SEZ6L: variants seen among roughly 807,000 people sequenced by gnomAD.
SEZ6L encodes the protein seizure 6-like protein.
A neutral mutation model predicts 106.2 loss-of-function variants in SEZ6L; 37 were observed. The ratio of observed to expected loss-of-function variants is 0.35; its 90% CI spans 0.27 to 0.46. The LOEUF is 0.46. Among genes scored for constraint, SEZ6L ranks in the 20% least tolerant of loss-of-function variants. SEZ6L has a pLI of 1.00. For missense variants in SEZ6L, 1,172 were observed against 1,332.8 expected (o/e 0.88, Z 1.88); for synonymous variants, 541 against 570.4 (o/e 0.95, Z 0.73).
chr22:26,255,673 G>A (rs892042405), intron 1 of SEZ6L, among the ~76,000 whole-genome samples: 1 of 152,200 alleles, frequency 6.6e-6, no homozygotes, highest in Non-Finnish European at 1.5e-5. Flanking sequence ...GAGTCTTGGG[G>A]CTGTCACCTC....
At chr22:26,200,400 C>T (rs1421478510) in intron 1 of SEZ6L, among the ~76,000 whole-genome samples, 1 of 152,188 alleles carries the variant, frequency 6.6e-6, no homozygotes, top group Non-Finnish European at 1.5e-5. Flanking sequence ...GACACCGCTT[C>T]TGCTTTCAAG....
rs111807889 is a variant in SEZ6L, at chr22:26,284,120, C to T, written c.95-8286C>T. 2.9e-3 allele frequency among the ~76,000 whole-genome samples: 439 copies of T among 152,226 alleles called. 5 individuals carry two copies. Among genetic ancestry groups the T allele is most frequent in the African/African-American group, 9.2e-3 (382 of 41,520 alleles). ...ACTCCAAAAGACAAGGCTGATGAAA[C>T]CCCACCATACAGATGAGAACAGTGA... On this transcript the variant is annotated intron_variant, in intron 1 of 16. Transcript: ENST00000248933.
At chr22:26,336,018 C>G (rs536011992) in intron 9 of SEZ6L, among the ~76,000 whole-genome samples, 1 of 152,110 alleles carries the variant, frequency 6.6e-6, no homozygotes, top group African/African-American at 2.4e-5. Flanking sequence ...TTTTCCTTCT[C>G]TTATATAAGC....
Position 26,368,088 on chromosome 22 carries a change from A to AT in SEZ6L, c.2794+2523dup. Among the ~76,000 whole-genome samples, 2 of 152,348 alleles carry AT rather than the reference A, an allele frequency of 1.3e-5. 1 individual carries two copies. Among genetic ancestry groups the AT allele is most frequent in the South Asian group, 4.1e-4 (2 of 4,828 alleles). ...TTATTGCTTTAGTGCCCCTTTGAGA[A>AT]TCAGGCAAAAGGCTCGAATTTGCCC... On this transcript the variant is annotated intron_variant, in intron 13 of 16. Transcript: ENST00000248933.
In SEZ6L at chr22:26,380,256, T is replaced by C; in HGVS notation, c.3046-10T>C. On this transcript the variant is annotated splice_polypyrimidine_tract_variant and intron_variant, in intron 16 of 16. Transcript: ENST00000248933. ...AGCGTTTGACAAATCCGTGCTTCTC[T>C]CTCTTGCAGGAAACCAGAGAGTATG... 6.2e-7 allele frequency: 1 copy of C among 1,613,516 alleles called. No individual in the cohort carries two copies. The highest frequency in any genetic ancestry group is 1.1e-5 in the South Asian group (1 of 91,004).
intron 1 of SEZ6L, among the ~76,000 whole-genome samples, chr22:26,190,109 A>AC (rs2145653471): frequency 6.6e-6 from 1 of 151,658 alleles, no homozygotes; most frequent in South Asian, 2.1e-4. Context: ...AAAAAAAAAG[A>AC]AGAAAGAAAA....
At chr22:26,375,827 C>A in intron 15 of SEZ6L, 138 bp downstream of exon 15, 1 of 627,524 alleles carries the variant, frequency 1.6e-6, no homozygotes, top group African/African-American at 1.8e-5. Flanking sequence ...TGCAGAGATG[C>A]CCAGATTCAG....
intron 9 of SEZ6L, among the ~76,000 whole-genome samples, chr22:26,322,028 T>A (rs181091964): frequency 2.0e-5 from 3 of 152,294 alleles, no homozygotes; most frequent in Admixed American, 6.5e-5. Flanking sequence ...TGAGCAATAA[T>A]AAATGTGAAC....
chr22:26,349,021 T>C (rs575392992), intron 11 of SEZ6L, among the ~76,000 whole-genome samples: 2 of 152,198 alleles, frequency 1.3e-5, no homozygotes, highest in Admixed American at 1.3e-4. Flanking sequence ...TTTTAAGGGA[T>C]TGGAATGAAC....
chr22:26,234,047 A>T (rs1181767482), intron 1 of SEZ6L, among the ~76,000 whole-genome samples: 1 of 152,176 alleles, frequency 6.6e-6, no homozygotes, highest in African/African-American at 2.4e-5. Flanking sequence ...TCTGATGCCA[A>T]TGTAGGAGTT....
rs1305350055 is a variant in SEZ6L, at chr22:26,287,985, A to G, written c.95-4421A>G. Among the ~76,000 whole-genome samples the G allele has an allele frequency of 2.0e-5, 3 of 152,240 alleles. No homozygotes were observed. In the South Asian group the frequency reaches 6.2e-4, roughly 32 times the overall value. On this transcript the variant is annotated intron_variant, in intron 1 of 16. Transcript: ENST00000248933. ...GGGTTTCCTTCTTAGAGTGGTTTAT[A>G]GCTGCTGCGGTTAGCACCCTTGTAC...
chr22:26,242,738 AT>A (rs2079181126), intron 1 of SEZ6L: 1 of 152,142 alleles, frequency 6.6e-6, no homozygotes, highest in South Asian at 2.1e-4. Flanking sequence ...TGAAAAATGA[AT>A]TCTTTTATTT....
chr22:26,267,213 C>G (rs1048169002), intron 1 of SEZ6L, among the ~76,000 whole-genome samples: 5 of 152,220 alleles, frequency 3.3e-5, no homozygotes, highest in African/African-American at 1.2e-4. Context: ...ATGGCTAACT[C>G]TCTAAGCTCA....
chr22:26,277,273 C>A (rs2080580366), intron 1 of SEZ6L, among the ~76,000 whole-genome samples: 1 of 152,076 alleles, frequency 6.6e-6, no homozygotes, highest in Non-Finnish European at 1.5e-5. Context: ...CTGAAAGAAT[C>A]TTTTCTTGCC....
In SEZ6L at chr22:26,381,103, T is replaced by A. The variant is rs1235552429; in HGVS notation, c.*808T>A. On this transcript the variant is annotated 3_prime_UTR_variant, in exon 17 of 17. Coordinates refer to ENST00000248933, the MANE Select transcript of SEZ6L (RefSeq NM_021115.5). Reference sequence around the variant, plus strand: ...ACTCTTTCAATGATGAAAGAGCGTGTAATTTATGCTACAAGTGCCAGAATC... The same window carrying A: ...ACTCTTTCAATGATGAAAGAGCGTGAAATTTATGCTACAAGTGCCAGAATC... The A allele has an allele frequency of 1.3e-5, 2 of 152,090 alleles. No homozygotes were observed. The highest frequency in any genetic ancestry group is 2.9e-5 in the Non-Finnish European group (2 of 68,016). The allele number at this position is 152,090 out of a possible 1,614,324, so 9.4% of individuals were successfully genotyped here.
intron 1 of SEZ6L, among the ~76,000 whole-genome samples, chr22:26,208,848 CTCTGTG>C (rs755302447): frequency 0.011 from 1,160 of 106,562 alleles, 9 homozygotes; most frequent in African/African-American, 0.036. Context: ...TTGACTCTCT[CTCTGTG>C]TGTGTGTGTG....
At chr22:26,223,942 C>G (rs1380557599) in intron 1 of SEZ6L, among the ~76,000 whole-genome samples, 1 of 152,104 alleles carries the variant, frequency 6.6e-6, no homozygotes, top group East Asian at 1.9e-4. Flanking sequence ...TTTGACCCAT[C>G]ATTTTTGCTT....
intron 1 of SEZ6L, among the ~76,000 whole-genome samples, chr22:26,212,657 C>T (rs1031398239): frequency 6.6e-6 from 1 of 152,076 alleles, no homozygotes; most frequent in Non-Finnish European, 1.5e-5. Flanking sequence ...TCCTGGGCTC[C>T]AAGGATTCTC....
At chr22:26,318,288 A>C (rs991745140) in intron 9 of SEZ6L, among the ~76,000 whole-genome samples, 11 of 151,988 alleles carry the variant, frequency 7.2e-5, no homozygotes, top group Admixed American at 7.2e-4. Context: ...TGGCCAGGCT[A>C]GTCTCAAACT....
Sources: allele counts gnomAD v4.1 joint callset (sites outside exome capture counted in the v4.1 genomes callset), GRCh38; gene constraint gnomAD v4.1.1; transcripts MANE v1.5; gene names NCBI Gene and HGNC (gene_info 2026-07-23, HGNC 2026-07-21).